KMT2C: variants seen among roughly 807,000 people sequenced by gnomAD.
KMT2C encodes lysine methyltransferase 2C.
Under a neutral mutation model 507.9 loss-of-function variants are expected in KMT2C, and 88 were observed. The ratio of observed to expected loss-of-function variants is 0.17; its 90% confidence interval spans 0.15 to 0.21. The LOEUF (loss-of-function observed/expected upper bound fraction) is 0.21. Among genes scored for constraint, KMT2C ranks in the 10% least tolerant of loss-of-function variants. The pLI is 1.00. For missense variants in KMT2C, 4,954 were observed against 5,957.8 expected (o/e 0.83, Z 5.55); for synonymous variants, 2,049 against 2,080.8 (o/e 0.98, Z 0.42).
chr7:152,198,463 T>C (rs1195403716), intron 27 of KMT2C, among the ~76,000 whole-genome samples: 1 of 152,150 alleles, frequency 6.6e-6, no homozygotes, highest in Non-Finnish European at 1.5e-5. Flanking sequence ...CAAATGCAAT[T>C]AATGGTAAAA....
chr7:152,195,758 G>A (rs73481033), intron 28 of KMT2C, 149 bp downstream of exon 28: 3 of 503,928 alleles, frequency 6.0e-6, no homozygotes, highest in Non-Finnish European at 9.8e-6. Context: ...AGCTGAGGCA[G>A]ATCAAAGAAA....
At chr7:152,155,193 T>G (rs1378745776) in intron 46 of KMT2C, among the ~76,000 whole-genome samples, 1 of 152,070 alleles carries the variant, frequency 6.6e-6, no homozygotes, top group African/African-American at 2.4e-5. Context: ...TGAGGTACAG[T>G]AGAAAGAGGA....
In KMT2C at chr7:152,162,212, GAGA is replaced by G. The variant is rs1457813995; in HGVS notation, c.11362_11364del (p.Ser3788del). On this transcript the variant is annotated inframe_deletion, in exon 43 of 59. Transcript: ENST00000262189. ...CTGCCCTCAGGTTTTTGATTCAAAAGAGAAGATGACTTTTTATTTTTCAACAAG... is the reference window on the plus strand; with the variant it reads ...CTGCCCTCAGGTTTTTGATTCAAAAGAGATGACTTTTTATTTTTCAACAAG... 2 of 1,613,944 alleles carry G rather than the reference GAGA, an allele frequency of 1.2e-6. No homozygotes were observed. The highest frequency in any genetic ancestry group is 2.2e-5 in the East Asian group (1 of 44,884).
chr7:152,207,482 T>A (rs901384001), intron 23 of KMT2C, 54 bp from the exon 24 acceptor site: 1 of 1,482,088 alleles, frequency 6.7e-7, no homozygotes, highest in African/African-American at 1.4e-5. Context: ...AAATATATAA[T>A]CCCTACATAA....
intron 2 of KMT2C, among the ~76,000 whole-genome samples, chr7:152,340,964 T>C (rs1387447729): frequency 2.6e-5 from 4 of 152,234 alleles, no homozygotes; most frequent in Non-Finnish European, 5.9e-5. Flanking sequence ...TTGTTATCAG[T>C]ATTTCCTTTA....
At chr7:152,164,291 ATTTTT>A (rs879896015) in intron 42 of KMT2C, among the ~76,000 whole-genome samples, 1 of 142,650 alleles carries the variant, frequency 7.0e-6, no homozygotes, top group African/African-American at 2.6e-5. Flanking sequence ...ATTGTACAAC[ATTTTT>A]TTTTTTTTTT....
intron 31 of KMT2C, among the ~76,000 whole-genome samples, chr7:152,188,611 TTTTTTTTTTTTTTG>T (rs1441366001): frequency 7.6e-6 from 1 of 131,156 alleles, no homozygotes; most frequent in East Asian, 2.0e-4. Context: ...TTTCCTTTTT[TTTTTTTTTTTTTTG>T]TTTTTGAGAT....
intron 1 of KMT2C, among the ~76,000 whole-genome samples, chr7:152,396,470 G>A (rs751916856): frequency 3.4e-4 from 51 of 152,092 alleles, no homozygotes; most frequent in Admixed American, 5.2e-4. Context: ...CCAATTAATA[G>A]TTTTCATTTT....
intron 2 of KMT2C, among the ~76,000 whole-genome samples, chr7:152,351,153 T>C (rs895357757): frequency 1.3e-5 from 2 of 152,214 alleles, no homozygotes; most frequent in Non-Finnish European, 2.9e-5. Context: ...CTGAGGCTGT[T>C]TTACAGCTTT....
At chr7:152,175,175 TCA>T (rs1432005284) in intron 38 of KMT2C, among the ~76,000 whole-genome samples, 1 of 150,294 alleles carries the variant, frequency 6.7e-6, no homozygotes, top group Non-Finnish European at 1.5e-5. Context: ...AGACAGAGTC[TCA>T]CTCTGTCCCC....
In KMT2C at chr7:152,315,170, G is replaced by C; in HGVS notation, c.558C>G (p.Asn186Lys). 1 of 1,614,028 alleles carries C rather than the reference G, an allele frequency of 6.2e-7. No individual in the cohort carries two copies. Among genetic ancestry groups the C allele is most frequent in the Admixed American group, 1.7e-5 (1 of 60,006 alleles). ...NSNGTYEKMQ[N>K]SAPRKQRGQR... ...GTCCTCTTTGTTTTCGTGGTGCTGA[G>C]TTTTGCATTTTCTCATAGGTTCCAT... Residue 186 changes from asparagine to lysine, a missense_variant, in exon 4 of 59, where the codon AAC becomes AAG. By Grantham distance (94) the Asn-to-Lys change is moderately conservative. This residue lies in a region of KMT2C where 233 missense variants were observed against 263.6 expected (regional missense o/e 0.88). Transcript: ENST00000262189.
chr7:152,217,772 G>T (rs2094622704), intron 23 of KMT2C, among the ~76,000 whole-genome samples: 1 of 152,196 alleles, frequency 6.6e-6, no homozygotes, highest in Non-Finnish European at 1.5e-5. Flanking sequence ...ACAAGTGGTA[G>T]TCACAAGGAA....
chr7:152,310,905 T>G (rs1421087068), intron 5 of KMT2C, among the ~76,000 whole-genome samples: 1 of 152,048 alleles, frequency 6.6e-6, no homozygotes, highest in Non-Finnish European at 1.5e-5. Context: ...AGTCTGGTCT[T>G]GAACTCCTGA....
At chr7:152,319,800 A>G (rs1462946936) in intron 3 of KMT2C, among the ~76,000 whole-genome samples, 1 of 152,132 alleles carries the variant, frequency 6.6e-6, no homozygotes, top group African/African-American at 2.4e-5. Flanking sequence ...GATAAGCAGA[A>G]ATAATGGCAT....
At chr7:152,301,133 T>C (rs1407033617) in intron 6 of KMT2C, among the ~76,000 whole-genome samples, 1 of 146,478 alleles carries the variant, frequency 6.8e-6, no homozygotes, top group Non-Finnish European at 1.5e-5. Context: ...CAGGCCCAGG[T>C]GGGAGAACTG....
Position 152,195,238 on chromosome 7 carries a change from C to T in KMT2C, c.4378+669G>A, listed in dbSNP as rs369145538. 1.1e-4 allele frequency among the ~76,000 whole-genome samples: 17 copies of T among 151,936 alleles called. No homozygotes were observed. The East Asian group carries it at 2.5e-3, about 22-fold the overall frequency. ...AAAATTTAGTCTGTTCTTATTTGAT[C>T]TTATATTAGGAACTAGCTCTACGAC... On this transcript the variant is annotated intron_variant, in intron 28 of 58. Coordinates refer to ENST00000262189, the MANE Select transcript of KMT2C (RefSeq NM_170606.3).
chr7:152,338,656 G>A (rs1243436139), intron 2 of KMT2C, among the ~76,000 whole-genome samples: 6 of 152,280 alleles, frequency 3.9e-5, no homozygotes, highest in Admixed American at 2.0e-4. Flanking sequence ...AAATCTGAAA[G>A]TTAATTACAA....
Position 152,162,140 on chromosome 7 carries a change from T to G in KMT2C, c.11437A>C (p.Lys3813Gln), listed in dbSNP as rs2092487863. Residue 3813 changes from lysine (K) to glutamine (Q), a missense_variant, in exon 43 of 59, where the codon AAG (lysine) becomes CAG (glutamine). This residue lies in a region of KMT2C where 801 missense variants were observed against 751.2 expected (regional missense o/e 1.07). Coordinates refer to ENST00000262189, the MANE Select transcript of KMT2C (RefSeq NM_170606.3). ...DCTKDNKLVE[K>Q]QNPAEGLQTL... ...ACCAGTCCTTCAGCTGGGTTCTGCTTCTCAACTAGTTTATTATCCTTTGTA... is the reference window on the plus strand; with the variant it reads ...ACCAGTCCTTCAGCTGGGTTCTGCTGCTCAACTAGTTTATTATCCTTTGTA... 2 of 1,571,562 alleles carry G rather than the reference T, an allele frequency of 1.3e-6. No homozygotes were observed. Among genetic ancestry groups the G allele is most frequent in the Admixed American group, 3.9e-5 (2 of 51,944 alleles).
chr7:152,233,744 G>T (rs2095193804), intron 16 of KMT2C, among the ~76,000 whole-genome samples: 1 of 152,160 alleles, frequency 6.6e-6, no homozygotes, highest in South Asian at 2.1e-4. Flanking sequence ...CCTTTAATTT[G>T]TCAAGATAGA....
Sources: gnomAD v4.1 joint callset for allele counts (sites outside exome capture counted in the v4.1 genomes callset) on GRCh38, gnomAD v4.1.1 for gene constraint, gnomAD v4.1.1 regional missense constraint, MANE v1.5 for transcripts, NCBI Gene and HGNC (gene_info 2026-07-23, HGNC 2026-07-21) for gene names.